The following POLD1 variants were observed in gnomAD, a reference collection of about 807,000 sequenced individuals.
POLD1 encodes DNA polymerase delta catalytic subunit.
POLD1 carries 79 observed loss-of-function variants against 129.7 expected under a neutral mutation model. The observed-to-expected ratio is 0.61, with a 90% CI of 0.51 to 0.73. POLD1 has a LOEUF of 0.73. POLD1 is among the 30% of genes least tolerant of loss of function. The pLI, the probability that POLD1 is intolerant of heterozygous loss-of-function variation, is 0.00. For missense variants in POLD1, 1,338 were observed against 1,595.8 expected (o/e 0.84, Z 2.75); for synonymous variants, 714 against 683.3 (o/e 1.04, Z -0.70).
Position 50,417,975 on chromosome 19 carries a change from C to G in POLD1, c.*28C>G, listed in dbSNP as rs375062208. ...TTGCAAGCATCCCATGGGGCGGGGG[C>G]GGGACCAGGGAGAATTAATAAAGTT... On this transcript the variant is annotated 3_prime_UTR_variant, in exon 27 of 27. Coordinates refer to ENST00000440232, the MANE Select transcript of POLD1 (RefSeq NM_002691.4). 32 of 1,318,514 alleles carry G rather than the reference C, an allele frequency of 2.4e-5. No homozygotes were observed. The highest frequency in any genetic ancestry group is 2.7e-5 in the Non-Finnish European group (25 of 920,678). The allele number at this position is 1,318,514 out of a possible 1,614,324, so 81.7% of individuals were successfully genotyped here. A position where few individuals can be genotyped will look rare whatever the true frequency, so the allele number is the denominator to read the frequency against.
At position 50,406,335 on chromosome 19, in the gene POLD1, G is replaced by A. The variant is rs1057521470; in HGVS notation, c.1383+13G>A. On this transcript the variant is annotated intron_variant, in intron 11 of 26. Coordinates refer to ENST00000440232, the MANE Select transcript of POLD1 (RefSeq NM_002691.4). This position sits in a 1 kb window ranked among gnomAD's most constrained non-coding sequence, Gnocchi z 5.5. Reference sequence around the variant, plus strand: ...GGACATGCTGCAGGTATGGGCGGGAGGTGGGGTGTGTCCCTGTCCTTGGAA... The same window carrying A: ...GGACATGCTGCAGGTATGGGCGGGAAGTGGGGTGTGTCCCTGTCCTTGGAA... 2.5e-6 allele frequency: 4 copies of A among 1,613,476 alleles called. No homozygotes were observed. Among genetic ancestry groups the A allele is most frequent in the East Asian group, 2.2e-5 (1 of 44,852 alleles).
In POLD1 at chr19:50,417,352, C is replaced by T. The variant is rs988663725; in HGVS notation, c.3218+83C>T. On this transcript the variant is annotated intron_variant, in intron 26 of 26. Coordinates refer to ENST00000440232, the MANE Select transcript of POLD1 (RefSeq NM_002691.4). ...GGGTTGTGGACCCAACCTCTGACTC[C>T]AAGGCCTCTCCTGAGCATCCTCCCC... The T allele has an allele frequency of 8.1e-6, 7 of 866,118 alleles. No homozygotes were observed. The African/African-American group carries it at 1.0e-4, about 12-fold the overall frequency. The allele number at this position is 866,118 out of a possible 1,614,324, so 53.7% of individuals were successfully genotyped here.
intron 1 of POLD1, among the ~76,000 whole-genome samples, chr19:50,391,667 G>T (rs140353506): frequency 3.3e-5 from 5 of 149,754 alleles, no homozygotes; most frequent in Non-Finnish European, 5.9e-5. Flanking sequence ...GCCTCAGCTC[G>T]GCATCAGAGG....
intron 8 of POLD1, 75 bp from the exon 9 acceptor site, chr19:50,402,978 A>G (rs1468633190): frequency 6.6e-7 from 1 of 1,516,710 alleles, no homozygotes; most frequent in Non-Finnish European, 8.9e-7. Flanking sequence ...CCCCGGGGAG[A>G]TGGCAGGTGC....
intron 1 of POLD1, among the ~76,000 whole-genome samples, chr19:50,388,850 T>G (rs1464328093): frequency 2.1e-5 from 3 of 144,708 alleles, no homozygotes; most frequent in African/African-American, 7.9e-5. Flanking sequence ...TTTTTTTTTT[T>G]GAGACGGAGT....
At chr19:50,417,606 C>A (rs896657128) in intron 26 of POLD1, among the ~76,000 whole-genome samples, 1 of 152,068 alleles carries the variant, frequency 6.6e-6, no homozygotes, top group Non-Finnish European at 1.5e-5. Flanking sequence ...GTTCCCACGC[C>A]AGGTGACAGG....
intron 22 of POLD1, 41 bp from the exon 23 acceptor site, chr19:50,416,355 C>T: frequency 2.6e-6 from 4 of 1,543,926 alleles, no homozygotes; most frequent in Non-Finnish European, 3.5e-6. Context: ...CCCCGGTGCC[C>T]TTTCCCTGGC....
intron 1 of POLD1, among the ~76,000 whole-genome samples, chr19:50,384,651 T>C (rs534023909): frequency 3.5e-5 from 5 of 144,108 alleles, no homozygotes; most frequent in African/African-American, 1.0e-4. Context: ...CGGGAGGAGC[T>C]GGGGGGACTG....
At chr19:50,388,621 C>T (rs1198733682) in intron 1 of POLD1, among the ~76,000 whole-genome samples, 1 of 152,134 alleles carries the variant, frequency 6.6e-6, no homozygotes, top group Non-Finnish European at 1.5e-5. Flanking sequence ...AAGTTTCAAA[C>T]CTGCAGAGAA....
chr19:50,411,337 C>T (rs556629251), intron 17 of POLD1, among the ~76,000 whole-genome samples: 11 of 152,282 alleles, frequency 7.2e-5, no homozygotes, highest in African/African-American at 2.4e-4. Context: ...AAAGGGGTGG[C>T]TGTGTGGACA....
intron 1 of POLD1, among the ~76,000 whole-genome samples, chr19:50,386,086 A>G (rs559799370): frequency 6.6e-6 from 1 of 151,874 alleles, no homozygotes; most frequent in East Asian, 1.9e-4. Context: ...CTGTGCGCTC[A>G]GGGAAGACTC....
intron 5 of POLD1, 22 bp from the exon 6 acceptor site, chr19:50,402,183 T>A (rs770624756): frequency 6.3e-7 from 1 of 1,584,030 alleles, no homozygotes; most frequent in South Asian, 1.2e-5. Flanking sequence ...CATTGGCTGG[T>A]CCCAGCTTCT....
Position 50,402,251 on chromosome 19 carries a change from C to T in POLD1, c.636C>T (p.Ile212=), listed in dbSNP as rs2038674865. 3 of 1,598,682 alleles carry T rather than the reference C, an allele frequency of 1.9e-6. No individual in the cohort carries two copies. Among genetic ancestry groups the T allele is most frequent in the Non-Finnish European group, 2.6e-6 (3 of 1,171,596 alleles). Reference sequence around the variant, plus strand: ...ACGGCCCCTCCCCGTTCCTGCGCATCACCGTGGCGCTGCCGCGCCTCGTGG... The same window carrying T: ...ACGGCCCCTCCCCGTTCCTGCGCATTACCGTGGCGCTGCCGCGCCTCGTGG... ...HGHGPSPFLR[I]TVALPRLVAP... Residue 212 remains isoleucine, a synonymous_variant, in exon 6 of 27, where the codon ATC becomes ATT. Coordinates refer to ENST00000440232, the MANE Select transcript of POLD1 (RefSeq NM_002691.4).
rs748719079 is a variant in POLD1 at position 50,401,985 on chromosome 19, C to T, written c.464-14C>T. On this transcript the variant is annotated splice_polypyrimidine_tract_variant and intron_variant, in intron 4 of 26. Transcript: ENST00000440232. ...TGGAGCCCCCTGCACCTCTGATCAT[C>T]CCTCCCACACCAGGTTTCGGGCCCG... The T allele has an allele frequency of 6.2e-7, 1 of 1,614,148 alleles. No individual in the cohort carries two copies. The highest frequency in any genetic ancestry group is 8.5e-7 in the Non-Finnish European group (1 of 1,179,996).
At position 50,415,087 on chromosome 19, in the gene POLD1, A is replaced by G. The variant is rs1274610; in HGVS notation, c.2564+97A>G. 6.9e-3 allele frequency: 8,162 copies of G among 1,182,374 alleles called. 454 individuals are homozygous for G. The African/African-American group carries it at 0.11, about 17-fold the overall frequency. 73.2% of individuals were successfully genotyped at this position (1,182,374 alleles called of 1,614,324 possible). A position where few individuals can be genotyped will look rare whatever the true frequency, so the allele number is the denominator to read the frequency against. On this transcript the variant is annotated intron_variant, in intron 20 of 26. Transcript: ENST00000440232. ...TAGGCCCCAGCCCCTCCTCCCTCAG[A>G]CCCACGGGTCCAGGCCCCCAGCCCC... is the stretch of plus-strand genomic sequence containing the variant.
intron 1 of POLD1, chr19:50,387,705 G>T (rs745382762): frequency 6.6e-6 from 1 of 152,636 alleles, no homozygotes; most frequent in African/African-American, 2.4e-5. Flanking sequence ...CGCTTCCTCT[G>T]TCCCACCCGG....
rs1601201039 is a variant in POLD1, at chr19:50,402,335, C to G, written c.720C>G (p.Ser240Arg). 4 of 1,611,080 alleles carry G rather than the reference C, an allele frequency of 2.5e-6. No individual in the cohort carries two copies. Among genetic ancestry groups the G allele is most frequent in the Non-Finnish European group, 3.4e-6 (4 of 1,177,922 alleles). Residue 240 changes from serine (S) to arginine (R), a missense_variant, in exon 6 of 27, where the codon AGC becomes AGG. Ser to Arg is a moderately radical substitution (Grantham distance 110). Around this residue, in one of 3 missense-constraint regions of POLD1, gnomAD observed 720 missense variants for 1,002.6 expected, o/e 0.72. Transcript: ENST00000440232. ...GIRVAGLGTP[S>R]FAPYEANVDF... is the part of the protein sequence containing the mutation. Reference sequence around the variant, plus strand: ...GTGTGGCAGGCCTGGGCACGCCCAGCTTCGCGCCCTACGAGGCCAACGTCG... The same window carrying G: ...GTGTGGCAGGCCTGGGCACGCCCAGGTTCGCGCCCTACGAGGCCAACGTCG...
intron 2 of POLD1, 123 bp from the exon 3 acceptor site, chr19:50,399,248 C>A: frequency 8.7e-7 from 1 of 1,150,030 alleles, no homozygotes; most frequent in Non-Finnish European, 1.3e-6. Flanking sequence ...CCCTCATTCT[C>A]TTCCAAGTTT....
intron 26 of POLD1, 143 bp from the exon 27 acceptor site, chr19:50,417,697 GCT>G: frequency 1.8e-5 from 2 of 109,666 alleles, no homozygotes; most frequent in Admixed American, 1.6e-4. Flanking sequence ...CCCCGTGCCT[GCT>G]GAGCAAACAG....
Sources: allele counts gnomAD v4.1 joint callset (sites outside exome capture counted in the v4.1 genomes callset), GRCh38; gene constraint gnomAD v4.1.1; regional missense constraint gnomAD v4.1.1; non-coding constraint Gnocchi (gnomAD v3.1); transcripts MANE v1.5; gene names NCBI Gene and HGNC (gene_info 2026-07-23, HGNC 2026-07-21).